EIF3H: variants seen among roughly 807,000 people sequenced by gnomAD.
The protein encoded by EIF3H is eukaryotic translation initiation factor 3 subunit H, also known as eIF-3-gamma.
In EIF3H, 26 loss-of-function variants were observed where a neutral mutation model predicts 44.2. That is an observed-to-expected ratio of 0.59 (90% confidence interval 0.43 to 0.82). The LOEUF is 0.82. EIF3H is among the 40% of genes least tolerant of loss of function. The pLI, the probability that EIF3H is intolerant of heterozygous loss-of-function variation, is 0.00. For missense variants in EIF3H, 359 were observed against 432.8 expected (o/e 0.83, Z 1.51); for synonymous variants, 166 against 151.9 (o/e 1.09, Z -0.68).
At chr8:116,665,174 C>CAAATACAAGAG (rs1813648120) in intron 2 of EIF3H, among the ~76,000 whole-genome samples, 1 of 152,152 alleles carries the variant, frequency 6.6e-6, no homozygotes, top group African/African-American at 2.4e-5. Context: ...AAGCACAGCA[C>CAAATACAAGAG]AAATACAAGA....
chr8:116,751,541 A>G lies in EIF3H; in HGVS notation c.132+4125T>C, dbSNP rs184362446. Among the ~76,000 whole-genome samples the G allele has an allele frequency of 2.0e-5, 3 of 152,346 alleles. No homozygotes were observed. The East Asian group carries it at 5.8e-4, about 29-fold the overall frequency. The stretch of plus-strand genomic sequence containing the variant: ...GGTGCTGTGATGGAAAGTAAGGAGA[A>G]GAACAAGTCTATAATTCTATTTTGT... On this transcript the variant is annotated intron_variant, in intron 1 of 7. Transcript: ENST00000521861.
At chr8:116,706,679 C>T (rs182594193) in intron 2 of EIF3H, among the ~76,000 whole-genome samples, 17 of 152,228 alleles carry the variant, frequency 1.1e-4, no homozygotes, top group African/African-American at 2.9e-4. Context: ...AGACTACAGG[C>T]GAATGCCACC....
At chr8:116,726,632 T>C (rs1327939975) in intron 1 of EIF3H, among the ~76,000 whole-genome samples, 1 of 152,208 alleles carries the variant, frequency 6.6e-6, no homozygotes. Flanking sequence ...CATTTTGCCT[T>C]TCTCAACAGA....
intron 2 of EIF3H, among the ~76,000 whole-genome samples, chr8:116,702,779 AC>A (rs1385369867): frequency 6.6e-6 from 1 of 152,224 alleles, no homozygotes; most frequent in African/African-American, 2.4e-5. Flanking sequence ...ACAAAGGACA[AC>A]ATATTAAAAA....
intron 1 of EIF3H, among the ~76,000 whole-genome samples, chr8:116,728,065 A>T (rs546751435): frequency 6.6e-6 from 1 of 152,174 alleles, no homozygotes; most frequent in East Asian, 1.9e-4. Flanking sequence ...GGCTTTTTAG[A>T]TTTTCAGTAT....
chr8:116,668,907 AT>A (rs1813709570), intron 2 of EIF3H, among the ~76,000 whole-genome samples: 1 of 152,150 alleles, frequency 6.6e-6, no homozygotes, highest in African/African-American at 2.4e-5. Context: ...TATGATACTC[AT>A]CTGGGTCAGA....
At chr8:116,695,300 T>A (rs193122635) in intron 2 of EIF3H, among the ~76,000 whole-genome samples, 1 of 152,184 alleles carries the variant, frequency 6.6e-6, no homozygotes, top group East Asian at 1.9e-4. Context: ...AACTCCTGGA[T>A]CTCCTGGCCT....
At chr8:116,650,782 G>A (rs150500115) in intron 5 of EIF3H, among the ~76,000 whole-genome samples, 6 of 152,314 alleles carry the variant, frequency 3.9e-5, no homozygotes, top group African/African-American at 1.4e-4. Context: ...GAGTAGCTGG[G>A]ACTACAGGCA....
chr8:116,685,293 A>G (rs1275930098), intron 2 of EIF3H, among the ~76,000 whole-genome samples: 1 of 152,186 alleles, frequency 6.6e-6, no homozygotes, highest in African/African-American at 2.4e-5. Context: ...TTAGTGTGCA[A>G]TGTGAGAGCT....
At position 116,698,410 on chromosome 8, in the gene EIF3H, T is replaced by C. The variant is rs1005147544; in HGVS notation, c.289+27606A>G. 4.5e-4 allele frequency among the ~76,000 whole-genome samples: 69 copies of C among 152,148 alleles called. 1 individual carries two copies. The highest frequency in any genetic ancestry group is 2.8e-4 in the Non-Finnish European group (19 of 68,026). ...CCTCAGTAGACACCACATTCTCCTA[T>C]CTACCCCATCTTCATTCCCGCCACC... On this transcript the variant is annotated intron_variant, in intron 2 of 7. Coordinates refer to ENST00000521861, the MANE Select transcript of EIF3H (RefSeq NM_003756.3).
At chr8:116,723,823 AGAT>A (rs1194929798) in intron 2 of EIF3H, among the ~76,000 whole-genome samples, 8 of 152,230 alleles carry the variant, frequency 5.3e-5, no homozygotes, top group Non-Finnish European at 8.8e-5. Context: ...CGCTGCTAAA[AGAT>A]GATGTATATA....
intron 2 of EIF3H, among the ~76,000 whole-genome samples, chr8:116,693,912 C>A (rs890892569): frequency 1.3e-5 from 2 of 152,180 alleles, no homozygotes; most frequent in African/African-American, 4.8e-5. Context: ...AGAGATCCTT[C>A]TGCCTTGGTC....
At chr8:116,674,201 C>A (rs2130823544) in intron 2 of EIF3H, among the ~76,000 whole-genome samples, 1 of 150,240 alleles carries the variant, frequency 6.7e-6, no homozygotes, top group East Asian at 2.0e-4. Flanking sequence ...AAGCCCAAGA[C>A]TCTGCTGAGT....
At chr8:116,648,979 C>T in intron 5 of EIF3H, 53 bp from the exon 6 acceptor site, 3 of 1,530,060 alleles carry the variant, frequency 2.0e-6, no homozygotes, top group Non-Finnish European at 1.8e-6. Context: ...TATAGCTTTG[C>T]TACTGCTCTA....
chr8:116,740,751 T>C (rs1334756630), intron 1 of EIF3H, among the ~76,000 whole-genome samples: 3 of 152,132 alleles, frequency 2.0e-5, no homozygotes, highest in African/African-American at 7.2e-5. Flanking sequence ...CCAATGTGAC[T>C]AACTCCCCAA....
chr8:116,719,308 C>T (rs1586474925), intron 2 of EIF3H, among the ~76,000 whole-genome samples: 1 of 152,266 alleles, frequency 6.6e-6, no homozygotes, highest in East Asian at 1.9e-4. Context: ...AGAATGGAAA[C>T]TGTGGCTATC....
intron 1 of EIF3H, among the ~76,000 whole-genome samples, chr8:116,744,648 A>G (rs1815202169): frequency 6.6e-6 from 1 of 152,228 alleles, no homozygotes; most frequent in African/African-American, 2.4e-5. Flanking sequence ...AGTAGTTTAC[A>G]AAAAACGAAG....
intron 2 of EIF3H, chr8:116,696,951 A>G (rs1338047113): frequency 1.4e-5 from 5 of 361,076 alleles, no homozygotes; most frequent in African/African-American, 1.1e-4. Flanking sequence ...GAACATGTAC[A>G]CAAACAAAAA....
chr8:116,699,699 T>C (rs912005079), intron 2 of EIF3H, among the ~76,000 whole-genome samples: 1 of 152,172 alleles, frequency 6.6e-6, no homozygotes, highest in Non-Finnish European at 1.5e-5. Flanking sequence ...AATCTAGAAA[T>C]TGAAATTATA....
Sources: allele counts gnomAD v4.1 joint callset (sites outside exome capture counted in the v4.1 genomes callset), GRCh38; gene constraint gnomAD v4.1.1; transcripts MANE v1.5; gene names NCBI Gene and HGNC (gene_info 2026-07-23, HGNC 2026-07-21).